Variants in KPNA6 observed in about 807,000 individuals in gnomAD.
KPNA6 encodes the protein importin subunit alpha-7.
A neutral mutation model predicts 72.0 loss-of-function variants in KPNA6; 9 were observed. That is an observed-to-expected ratio of 0.13 (90% CI 0.08 to 0.22). KPNA6 has a LOEUF of 0.22. KPNA6 is among the 10% of genes least tolerant of loss of function. The pLI, the probability that KPNA6 is intolerant of heterozygous loss-of-function variation, is 1.00. For missense variants in KPNA6, 374 were observed against 655.7 expected (o/e 0.57, Z 4.69); for synonymous variants, 219 against 242.1 (o/e 0.90, Z 0.89).
intron 1 of KPNA6, among the ~76,000 whole-genome samples, chr1:32,119,403 A>G (rs1163498682): frequency 2.0e-5 from 3 of 152,098 alleles, no homozygotes; most frequent in Non-Finnish European, 4.4e-5. Context: ...CATATTGTGA[A>G]TACTTGTCAG....
chr1:32,158,207 C>A lies in KPNA6; in HGVS notation c.332-60C>A, dbSNP rs561751377. ...TCTAAGAAGGATTGCAAGCTGACCC[C>A]CATGAAGGGATCAGCAAAAGCTTCT... On this transcript the variant is annotated intron_variant, in intron 4 of 13. Transcript: ENST00000373625. 71 of 1,097,542 alleles carry A rather than the reference C, an allele frequency of 6.5e-5. No individual in the cohort carries two copies. In the East Asian group the frequency reaches 1.1e-3, roughly 17 times the overall value. 68.0% of individuals were successfully genotyped at this position (1,097,542 alleles called of 1,614,324 possible).
At chr1:32,161,507 A>G (rs1025879886) in intron 7 of KPNA6, among the ~76,000 whole-genome samples, 47 of 152,236 alleles carry the variant, frequency 3.1e-4, no homozygotes, top group African/African-American at 1.1e-3. Context: ...ATAGCCTACC[A>G]CTGTCACTTT....
intron 1 of KPNA6, among the ~76,000 whole-genome samples, chr1:32,129,538 G>GT (rs1031513506): frequency 3.5e-4 from 53 of 151,156 alleles, no homozygotes; most frequent in African/African-American, 7.0e-4. Flanking sequence ...TGATATTTGT[G>GT]TTTTTTTTGT....
intron 1 of KPNA6, among the ~76,000 whole-genome samples, chr1:32,117,480 T>TG (rs1318895846): frequency 1.3e-5 from 2 of 149,814 alleles, no homozygotes; most frequent in African/African-American, 2.4e-5. Flanking sequence ...CCCAATTTGT[T>TG]TTTTTTTTTT....
At chr1:32,153,513 G>C (rs1327930604) in intron 1 of KPNA6, among the ~76,000 whole-genome samples, 1 of 148,908 alleles carries the variant, frequency 6.7e-6, no homozygotes, top group Non-Finnish European at 1.5e-5. Flanking sequence ...ATAGGTTGCA[G>C]TGAGTCAAGA....
chr1:32,163,407 G>A, intron 10 of KPNA6, 94 bp downstream of exon 10: 1 of 842,978 alleles, frequency 1.2e-6, no homozygotes, highest in East Asian at 2.7e-5. Context: ...AAAGGGCTGT[G>A]GTCCTGATGG....
Position 32,170,953 on chromosome 1 carries a change from C to G in KPNA6, c.*59C>G, listed in dbSNP as rs1291881024. 6.6e-7 allele frequency: 1 copy of G among 1,505,640 alleles called. No homozygotes were observed. The highest frequency in any genetic ancestry group is 1.4e-5 in the African/African-American group (1 of 72,622). The allele number at this position is 1,505,640 out of a possible 1,614,324, so 93.3% of individuals were successfully genotyped here. On this transcript the variant is annotated 3_prime_UTR_variant, in exon 14 of 14. Transcript: ENST00000373625. ...CACCACCAGCCAGCGGAAGAGCAGC[C>G]CTCTGGTGGGCGGGAAACCAGTGTC...
chr1:32,124,344 G>C (rs1641493654), intron 1 of KPNA6, among the ~76,000 whole-genome samples: 1 of 151,884 alleles, frequency 6.6e-6, no homozygotes, highest in South Asian at 2.1e-4. Flanking sequence ...CTGCACTCCA[G>C]CCTGGGCAAC....
rs745752593 is a variant in KPNA6 at position 32,108,072 on chromosome 1, G to C, written c.-59G>C. On this transcript the variant is annotated 5_prime_UTR_variant, in exon 1 of 14. Transcript: ENST00000373625. ...AGATCCGCCATATTGTCTACTGAAA[G>C]CTGCCGCTGAAGCTGCCGCCGTTGC... 37 of 1,613,304 alleles carry C rather than the reference G, an allele frequency of 2.3e-5. No homozygotes were observed. The Middle Eastern group carries it at 6.6e-4, about 29-fold the overall frequency.
At chr1:32,145,868 C>T (rs527705618) in intron 1 of KPNA6, among the ~76,000 whole-genome samples, 20 of 152,142 alleles carry the variant, frequency 1.3e-4, no homozygotes, top group Admixed American at 3.3e-4. Flanking sequence ...ATGAGTCTTC[C>T]GACATTTTAA....
intron 1 of KPNA6, 103 bp downstream of exon 1, chr1:32,108,237 C>T: frequency 2.0e-6 from 3 of 1,530,096 alleles, no homozygotes; most frequent in Non-Finnish European, 2.7e-6. Flanking sequence ...GTCTGCATCC[C>T]CTCTAGCTAG....
At chr1:32,110,079 T>C (rs960687300) in intron 1 of KPNA6, among the ~76,000 whole-genome samples, 10 of 147,860 alleles carry the variant, frequency 6.8e-5, no homozygotes, top group African/African-American at 1.5e-4. Context: ...TTTTTTTTTT[T>C]CTGAGAAGAA....
chr1:32,129,273 C>G, intron 1 of KPNA6, among the ~76,000 whole-genome samples: 1 of 151,560 alleles, frequency 6.6e-6, no homozygotes, highest in East Asian at 1.9e-4. Flanking sequence ...CTCAAGCCAT[C>G]TTCCCACCTC....
Position 32,158,258 on chromosome 1 carries a change from C to T in KPNA6, c.332-9C>T, listed in dbSNP as rs766625156. 6.3e-7 allele frequency: 1 copy of T among 1,594,238 alleles called. No individual in the cohort carries two copies. The highest frequency in any genetic ancestry group is 2.2e-5 in the East Asian group (1 of 44,742). ...CCTGTGTTTTTATTTTCCCTTCTCC[C>T]TTATCCAGAGCCTAGTCCTCCAATA... On this transcript the variant is annotated splice_polypyrimidine_tract_variant and intron_variant, in intron 4 of 13. Coordinates refer to ENST00000373625, the MANE Select transcript of KPNA6 (RefSeq NM_012316.5).
At chr1:32,110,221 C>T (rs1252412544) in intron 1 of KPNA6, among the ~76,000 whole-genome samples, 1 of 151,774 alleles carries the variant, frequency 6.6e-6, no homozygotes, top group African/African-American at 2.4e-5. Context: ...TCCACCACCA[C>T]ACCTAGCTAA....
In KPNA6 at chr1:32,108,104, C is replaced by A; in HGVS notation, c.-27C>A. Reference sequence around the variant, plus strand: ...CTGAAGCTGCCGCCGTTGCCTCCGCCGCCAAGAGTGAGCGAGCGGACCCGC... The same window carrying A: ...CTGAAGCTGCCGCCGTTGCCTCCGCAGCCAAGAGTGAGCGAGCGGACCCGC... On this transcript the variant is annotated 5_prime_UTR_variant, in exon 1 of 14. Coordinates refer to ENST00000373625, the MANE Select transcript of KPNA6 (RefSeq NM_012316.5). The A allele has an allele frequency of 6.2e-7, 1 of 1,614,018 alleles. No homozygotes were observed. The highest frequency in any genetic ancestry group is 8.5e-7 in the Non-Finnish European group (1 of 1,179,934).
intron 1 of KPNA6, among the ~76,000 whole-genome samples, chr1:32,111,070 C>T (rs1022043758): frequency 6.6e-6 from 1 of 152,020 alleles, no homozygotes; most frequent in African/African-American, 2.4e-5. Context: ...GGAGCTTCAT[C>T]TTTCAGTGAA....
intron 1 of KPNA6, among the ~76,000 whole-genome samples, chr1:32,123,310 CT>C (rs1409485531): frequency 5.3e-5 from 8 of 151,924 alleles, no homozygotes; most frequent in African/African-American, 1.2e-4. Flanking sequence ...CTTTTTAGAC[CT>C]TTTTTTCCCC....
chr1:32,129,108 T>TTCCC (rs1303133599), intron 1 of KPNA6, among the ~76,000 whole-genome samples: 2 of 151,768 alleles, frequency 1.3e-5, no homozygotes, highest in Non-Finnish European at 2.9e-5. Flanking sequence ...TACTAGATAT[T>TTCCC]TCCCTCCCTC....
Sources: gnomAD v4.1 joint callset for allele counts (sites outside exome capture counted in the v4.1 genomes callset) on GRCh38, gnomAD v4.1.1 for gene constraint, MANE v1.5 for transcripts, NCBI Gene and HGNC (gene_info 2026-07-23, HGNC 2026-07-21) for gene names.